ANKRD30BL: variants seen among roughly 807,000 people sequenced by gnomAD.
ANKRD30BL encodes putative ankyrin repeat domain-containing protein 30B-like.
In ANKRD30BL, 20 loss-of-function variants were observed where a neutral mutation model predicts 18.4. The observed-to-expected ratio is 1.09, with a 90% CI of 0.77 to 1.58. The LOEUF (loss-of-function observed/expected upper bound fraction) is 1.58, where lower values mean the gene tolerates loss of function less well. Ranked by LOEUF, ANKRD30BL falls within the 40% of genes most tolerant of loss-of-function variation. The pLI is 0.00. For missense variants in ANKRD30BL, 224 were observed against 268.6 expected (o/e 0.83, Z 1.16); for synonymous variants, 72 against 100.9 (o/e 0.71, Z 1.72).
chr2:132,250,368 T>C (rs1487541801), intron 1 of ANKRD30BL, among the ~76,000 whole-genome samples: 1 of 152,228 alleles, frequency 6.6e-6, no homozygotes, highest in African/African-American at 2.4e-5. Flanking sequence ...CGCTCATAAA[T>C]ATCCCTTTGC....
At chr2:132,176,387 G>A (rs1480158779) in intron 1 of ANKRD30BL, among the ~76,000 whole-genome samples, 2 of 151,816 alleles carry the variant, frequency 1.3e-5, no homozygotes, top group South Asian at 2.1e-4. Flanking sequence ...AATTAGCCAG[G>A]CATGGTGGCA....
chr2:132,166,080 A>G (rs931720423), upstream of ANKRD30BL, among the ~76,000 whole-genome samples: 12 of 152,282 alleles, frequency 7.9e-5, no homozygotes, highest in East Asian at 2.3e-3. Flanking sequence ...ATACAGTCAC[A>G]TGATTTTTCT....
intron 1 of ANKRD30BL, among the ~76,000 whole-genome samples, chr2:132,221,190 TGG>T (rs1169580711): frequency 7.3e-5 from 9 of 123,272 alleles, no homozygotes; most frequent in East Asian, 2.4e-4. Context: ...GCGAGGGAGG[TGG>T]GGGGGGGTCA....
At chr2:132,251,714 C>G (rs1441622930) in intron 1 of ANKRD30BL, among the ~76,000 whole-genome samples, 7 of 152,256 alleles carry the variant, frequency 4.6e-5, no homozygotes, top group Admixed American at 2.0e-4. Flanking sequence ...AAATCAATAC[C>G]AAACAAAACA....
At chr2:132,226,563 T>C (rs896485829) in intron 1 of ANKRD30BL, among the ~76,000 whole-genome samples, 10 of 152,122 alleles carry the variant, frequency 6.6e-5, no homozygotes, top group African/African-American at 2.4e-4. Context: ...AGAAACCTCT[T>C]TGTGATGTGT....
intron 1 of ANKRD30BL, among the ~76,000 whole-genome samples, chr2:132,207,851 C>A (rs896877515): frequency 3.8e-4 from 58 of 152,206 alleles, no homozygotes; most frequent in Non-Finnish European, 7.4e-4. Context: ...GGCATACATG[C>A]AATTTCCATG....
At chr2:132,168,330 G>T (rs775058098) in intron 1 of ANKRD30BL, among the ~76,000 whole-genome samples, 3 of 152,002 alleles carry the variant, frequency 2.0e-5, no homozygotes, top group African/African-American at 4.8e-5. Context: ...AAATTTGAAG[G>T]GTTTCTTGTG....
chr2:132,175,925 A>T (rs1357227281), intron 1 of ANKRD30BL, among the ~76,000 whole-genome samples: 4 of 152,224 alleles, frequency 2.6e-5, no homozygotes, highest in African/African-American at 9.7e-5. Flanking sequence ...AAAGTTACAG[A>T]TTAACAGCAT....
upstream of ANKRD30BL, among the ~76,000 whole-genome samples, chr2:132,166,028 A>T (rs1262366461): frequency 6.6e-6 from 1 of 152,136 alleles, no homozygotes; most frequent in Non-Finnish European, 1.5e-5. Flanking sequence ...CAAATTATAG[A>T]TGGGTGATAG....
At chr2:132,165,012 T>G (rs1278290346), upstream of ANKRD30BL, among the ~76,000 whole-genome samples, 1 of 151,946 alleles carries the variant, frequency 6.6e-6, no homozygotes, top group Non-Finnish European at 1.5e-5. Flanking sequence ...TTGCGGAGCT[T>G]GCAGTGAGCC....
At chr2:132,195,320 G>A (rs575586971) in intron 1 of ANKRD30BL, among the ~76,000 whole-genome samples, 41 of 152,244 alleles carry the variant, frequency 2.7e-4, no homozygotes, top group African/African-American at 9.6e-4. Context: ...TTCAAGGTGA[G>A]TGTGCAAAAA....
At chr2:132,184,152 A>G (rs1688523340) in intron 1 of ANKRD30BL, among the ~76,000 whole-genome samples, 1 of 152,036 alleles carries the variant, frequency 6.6e-6, no homozygotes, top group Admixed American at 6.6e-5. Context: ...GGCTCACTGC[A>G]ACCTCCACCT....
chr2:132,167,330 ATTTT>A (rs1208495024), intron 1 of ANKRD30BL, among the ~76,000 whole-genome samples: 1 of 123,864 alleles, frequency 8.1e-6, no homozygotes, highest in African/African-American at 3.2e-5. Context: ...ATTTTATTTT[ATTTT>A]ATTTTATTTT....
chr2:132,215,389 C>G (rs1573851218), intron 1 of ANKRD30BL, among the ~76,000 whole-genome samples: 1 of 152,038 alleles, frequency 6.6e-6, no homozygotes, highest in Non-Finnish European at 1.5e-5. Context: ...TTCTGACAAA[C>G]CTATTTGTGA....
chr2:132,230,593 T>G (rs948386955), intron 1 of ANKRD30BL, among the ~76,000 whole-genome samples: 8 of 152,208 alleles, frequency 5.3e-5, no homozygotes, highest in African/African-American at 1.4e-4. Context: ...TTGGACAATC[T>G]GCAAGTGGAT....
chr2:132,169,644 TAAAAA>T (rs60507906), intron 1 of ANKRD30BL, among the ~76,000 whole-genome samples: 1,270 of 90,840 alleles, frequency 0.014, 21 homozygotes, highest in African/African-American at 0.048. Flanking sequence ...ATACTCTGTC[TAAAAA>T]AAAAAAAAAA....
intron 1 of ANKRD30BL, among the ~76,000 whole-genome samples, chr2:132,187,915 T>C (rs1025730161): frequency 6.6e-6 from 1 of 152,050 alleles, no homozygotes; most frequent in African/African-American, 2.4e-5. Context: ...CCTGCCACCA[T>C]GCCCAGCTAA....
intron 1 of ANKRD30BL, among the ~76,000 whole-genome samples, chr2:132,218,487 C>A (rs1304877271): frequency 6.6e-6 from 1 of 152,154 alleles, no homozygotes; most frequent in African/African-American, 2.4e-5. Context: ...CAGAAAAATT[C>A]TCAGAAACTT....
At chr2:132,155,093 ATACTT>A (rs1022838847) in intron 3 of ANKRD30BL, 8 of 179,458 alleles carry the variant, frequency 4.5e-5, no homozygotes, top group Non-Finnish European at 5.8e-5. Flanking sequence ...ATAGTAGTAA[ATACTT>A]TATTTTTTAC....
Sources: gnomAD v4.1 joint callset for allele counts (sites outside exome capture counted in the v4.1 genomes callset) on GRCh38, gnomAD v4.1.1 for gene constraint, MANE v1.5 for transcripts, NCBI Gene and HGNC (gene_info 2026-07-23, HGNC 2026-07-21) for gene names.